RHOBTB1: variants seen among roughly 807,000 people sequenced by gnomAD.
RHOBTB1 encodes Rho related BTB domain containing 1.
Under a neutral mutation model 71.6 loss-of-function variants are expected in RHOBTB1, and 40 were observed. The observed-to-expected ratio is 0.56, with a 90% CI of 0.43 to 0.73. The LOEUF (loss-of-function observed/expected upper bound fraction) is 0.73. RHOBTB1 is among the 30% of genes least tolerant of loss of function. The pLI, the probability that RHOBTB1 is intolerant of heterozygous loss-of-function variation, is 0.00. For missense variants in RHOBTB1, 797 were observed against 894.0 expected (o/e 0.89, Z 1.38); for synonymous variants, 319 against 334.9 (o/e 0.95, Z 0.52).
At chr10:60,986,404 G>GATATATATATATATATATATATATAT (rs34154360) in intron 1 of RHOBTB1, among the ~76,000 whole-genome samples, 2 of 67,642 alleles carry the variant, frequency 3.0e-5, no homozygotes, top group African/African-American at 8.0e-5. Context: ...ATAAATAAAA[G>GATATATATATATATATATATATATAT]ATATATATAT....
At chr10:60,980,378 A>G (rs1448318720) in intron 2 of RHOBTB1, among the ~76,000 whole-genome samples, 2 of 152,240 alleles carry the variant, frequency 1.3e-5, no homozygotes, top group African/African-American at 4.8e-5. Context: ...ATACGATAAA[A>G]AAATGATTAA....
chr10:60,982,879 C>T (rs751977540), intron 2 of RHOBTB1, among the ~76,000 whole-genome samples: 2 of 152,098 alleles, frequency 1.3e-5, no homozygotes, highest in South Asian at 2.1e-4. Context: ...GTTTCATTTG[C>T]CCTCTTTCCT....
At chr10:60,918,171 C>T (rs998210978) in intron 2 of RHOBTB1, among the ~76,000 whole-genome samples, 1 of 152,174 alleles carries the variant, frequency 6.6e-6, no homozygotes, top group African/African-American at 2.4e-5. Context: ...CCCTTTTCTG[C>T]AAAGCCTTTC....
chr10:60,891,291 G>C (rs940419122), intron 5 of RHOBTB1, among the ~76,000 whole-genome samples: 10 of 149,914 alleles, frequency 6.7e-5, no homozygotes, highest in African/African-American at 2.5e-4. Flanking sequence ...AAGCCTATTA[G>C]GTAAATGTCA....
chr10:60,994,299 A>G (rs2086969922), intron 1 of RHOBTB1, among the ~76,000 whole-genome samples: 1 of 152,192 alleles, frequency 6.6e-6, no homozygotes, highest in African/African-American at 2.4e-5. Context: ...ATCAAATGGT[A>G]GTATACTACA....
At chr10:60,985,913 C>T (rs921554996) in exon 2 of RHOBTB1, 3 of 152,090 alleles carry the variant, frequency 2.0e-5, no homozygotes, top group Admixed American at 6.5e-5. Flanking sequence ...GATGAAGAGG[C>T]CTCTTTCATG....
chr10:60,922,287 C>T lies in RHOBTB1; in HGVS notation c.-10-10735G>A, dbSNP rs185532481. On this transcript the variant is annotated intron_variant, in intron 2 of 10. Coordinates refer to ENST00000337910, the MANE Select transcript of RHOBTB1 (RefSeq NM_014836.5). ...AGTGAGTCTTGAATAAACGAGTTCACTCTATGCCCAAAAGAGCCACACCAC... is the reference window on the plus strand; with the variant it reads ...AGTGAGTCTTGAATAAACGAGTTCATTCTATGCCCAAAAGAGCCACACCAC... Among the ~76,000 whole-genome samples, 667 of 152,276 alleles carry T rather than the reference C, an allele frequency of 4.4e-3. 2 individuals are homozygous for T. Among genetic ancestry groups the T allele is most frequent in the Non-Finnish European group, 7.3e-3 (499 of 68,014 alleles).
At chr10:60,985,448 C>T (rs553778288) in intron 2 of RHOBTB1, among the ~76,000 whole-genome samples, 10 of 152,314 alleles carry the variant, frequency 6.6e-5, no homozygotes, top group Middle Eastern at 3.4e-3. Context: ...AGAAATGCCA[C>T]GCACAGCAAT....
intron 1 of RHOBTB1, among the ~76,000 whole-genome samples, chr10:60,994,329 G>A (rs1267831744): frequency 6.6e-6 from 1 of 152,166 alleles, no homozygotes; most frequent in Non-Finnish European, 1.5e-5. Context: ...ACAAAGTGAT[G>A]TAATAGAAAG....
At chr10:60,885,415 C>T (rs991369139) in intron 7 of RHOBTB1, among the ~76,000 whole-genome samples, 1 of 152,184 alleles carries the variant, frequency 6.6e-6, no homozygotes, top group African/African-American at 2.4e-5. Context: ...CAGGGGCTGA[C>T]AAGTGATGTA....
chr10:60,930,081 G>A (rs2084148496), intron 2 of RHOBTB1, among the ~76,000 whole-genome samples: 1 of 151,992 alleles, frequency 6.6e-6, no homozygotes, highest in Non-Finnish European at 1.5e-5. Context: ...TCAACCCTTG[G>A]AAATTAAGAA....
chr10:60,908,216 T>G (rs1347964955), intron 4 of RHOBTB1, among the ~76,000 whole-genome samples: 1 of 152,174 alleles, frequency 6.6e-6, no homozygotes, highest in African/African-American at 2.4e-5. Flanking sequence ...TGCCAAAGAA[T>G]GTTTGAGGGG....
At chr10:61,001,043 A>AGTGTGTGT (rs146849672) in intron 1 of RHOBTB1, among the ~76,000 whole-genome samples, 20 of 149,528 alleles carry the variant, frequency 1.3e-4, no homozygotes, top group South Asian at 8.6e-4. Context: ...CGCCTCCGCC[A>AGTGTGTGT]GTGTGTGTGT....
chr10:60,973,793 T>TCCA, intron 2 of RHOBTB1, among the ~76,000 whole-genome samples: 1 of 152,022 alleles, frequency 6.6e-6, no homozygotes, highest in East Asian at 1.9e-4. Flanking sequence ...GGGGGCTGAC[T>TCCA]TGAGTTATAT....
At chr10:60,962,102 C>G (rs557967906) in intron 2 of RHOBTB1, among the ~76,000 whole-genome samples, 41 of 152,230 alleles carry the variant, frequency 2.7e-4, no homozygotes, top group African/African-American at 8.4e-4. Context: ...GCCACTGTGC[C>G]TGGCCCATTT....
intron 2 of RHOBTB1, among the ~76,000 whole-genome samples, chr10:60,927,051 T>C (rs2083926435): frequency 6.6e-6 from 1 of 152,162 alleles, no homozygotes. Flanking sequence ...TATACTAAAA[T>C]AAGTAGCATT....
intron 2 of RHOBTB1, among the ~76,000 whole-genome samples, chr10:60,985,665 T>A (rs2086638754): frequency 6.6e-6 from 1 of 152,216 alleles, no homozygotes; most frequent in Non-Finnish European, 1.5e-5. Flanking sequence ...GTAGAATTTA[T>A]AAAACCCATA....
At chr10:60,968,211 A>T (rs2086037474) in intron 2 of RHOBTB1, among the ~76,000 whole-genome samples, 1 of 152,174 alleles carries the variant, frequency 6.6e-6, no homozygotes, top group Non-Finnish European at 1.5e-5. Flanking sequence ...AGAAATGTAA[A>T]TTATCTTTCT....
At chr10:60,917,426 G>C (rs1487348205) in intron 2 of RHOBTB1, among the ~76,000 whole-genome samples, 1 of 152,146 alleles carries the variant, frequency 6.6e-6, no homozygotes, top group African/African-American at 2.4e-5. Context: ...CCATAGACTA[G>C]GTGGCTTAGC....
Sources: gnomAD v4.1 joint callset for allele counts (sites outside exome capture counted in the v4.1 genomes callset) on GRCh38, gnomAD v4.1.1 for gene constraint, MANE v1.5 for transcripts, NCBI Gene and HGNC (gene_info 2026-07-23, HGNC 2026-07-21) for gene names.